Variants in ASXL3 observed in about 807,000 individuals in gnomAD.
ASXL3 encodes the protein ASXL transcriptional regulator 3.
ASXL3 carries 34 observed loss-of-function variants against 170.6 expected under a neutral mutation model. That is an observed-to-expected ratio of 0.20 (90% confidence interval 0.15 to 0.27). The LOEUF is 0.27. ASXL3 is among the 10% of genes least tolerant of loss of function. ASXL3 has a pLI of 1.00. For missense variants in ASXL3, 2,592 were observed against 2,695.3 expected (o/e 0.96, Z 0.85); for synonymous variants, 1,002 against 989.1 (o/e 1.01, Z -0.24).
intron 1 of ASXL3, among the ~76,000 whole-genome samples, chr18:33,602,063 A>G (rs2050213779): frequency 6.6e-6 from 1 of 151,704 alleles, no homozygotes. Flanking sequence ...GAGCCTTCCA[A>G]ATTGTTGAGA....
chr18:33,688,237 A>C (rs2066629708), intron 8 of ASXL3, among the ~76,000 whole-genome samples: 1 of 152,216 alleles, frequency 6.6e-6, no homozygotes, highest in Admixed American at 6.5e-5. Context: ...CATCTCCTGA[A>C]GTAAAATGGT....
At chr18:33,670,241 A>G (rs1031116401) in intron 5 of ASXL3, among the ~76,000 whole-genome samples, 1 of 152,242 alleles carries the variant, frequency 6.6e-6, no homozygotes, top group African/African-American at 2.4e-5. Context: ...GATGACACTC[A>G]GTGTTAACTT....
chr18:33,726,199 C>T (rs1479590354), intron 8 of ASXL3, among the ~76,000 whole-genome samples: 2 of 152,154 alleles, frequency 1.3e-5, no homozygotes, highest in African/African-American at 4.8e-5. Flanking sequence ...ATCAGCCTTG[C>T]CTGCCCTCTT....
intron 6 of ASXL3, among the ~76,000 whole-genome samples, chr18:33,671,271 C>T (rs1184970135): frequency 6.6e-6 from 1 of 152,104 alleles, no homozygotes; most frequent in Non-Finnish European, 1.5e-5. Flanking sequence ...TCTAATTTAC[C>T]TTGTGTCACT....
intron 2 of ASXL3, chr18:33,614,741 C>G (rs2065394384): frequency 6.6e-6 from 1 of 152,036 alleles, no homozygotes; most frequent in African/African-American, 2.4e-5. Context: ...ATGAAAGCAA[C>G]ATTAGTCTCT....
At position 33,738,953 on chromosome 18, in the gene ASXL3, G is replaced by A. The variant is rs2145412803; in HGVS notation, c.1549G>A (p.Val517Ile). The A allele has an allele frequency of 2.5e-6, 4 of 1,613,704 alleles. No individual in the cohort carries two copies. The highest frequency in any genetic ancestry group is 3.4e-6 in the Non-Finnish European group (4 of 1,179,778). ...DVLETLPHIEVKIEGKSESPQ... is the reference protein window; with the variant it reads ...DVLETLPHIEIKIEGKSESPQ... ...TTTAGAAACTTTGCCTCATATTGAAGTTAAGATAGAAGGGAAGTCAGAATC... is the reference window on the plus strand; with the variant it reads ...TTTAGAAACTTTGCCTCATATTGAAATTAAGATAGAAGGGAAGTCAGAATC... Residue 517 changes from valine to isoleucine, a missense_variant, in exon 11 of 12, where the codon GTT (valine) becomes ATT (isoleucine). Physicochemically the swap from Val to Ile is conservative, Grantham distance 29 (BLOSUM62 3). This residue lies in a region of ASXL3 where 2,246 missense variants were observed against 2,219.6 expected (regional missense o/e 1.01). Coordinates refer to ENST00000269197, the MANE Select transcript of ASXL3 (RefSeq NM_030632.3).
At chr18:33,649,384 G>A (rs1286643594) in intron 4 of ASXL3, among the ~76,000 whole-genome samples, 1 of 152,086 alleles carries the variant, frequency 6.6e-6, no homozygotes. Flanking sequence ...TTCTGTGTGT[G>A]TTATTTTTCT....
chr18:33,743,561 T>TATC lies in ASXL3; in HGVS notation c.3714_3716dup (p.Ser1239dup), dbSNP rs1427816016. The stretch of plus-strand genomic sequence containing the variant: ...CTTTTTAATAAAAATTCTGTCCCTG[T>TATC]ATCTGTTTGCAGCACTGCTATATCG... On this transcript the variant is annotated inframe_insertion, in exon 12 of 12. Coordinates refer to ENST00000269197, the MANE Select transcript of ASXL3 (RefSeq NM_030632.3). The TATC allele has an allele frequency of 1.2e-6, 2 of 1,613,146 alleles. No homozygotes were observed. The highest frequency in any genetic ancestry group is 1.3e-5 in the African/African-American group (1 of 74,952).
chr18:33,674,171 GTCTAAGCCATTCATT>G (rs1364322440), intron 7 of ASXL3, among the ~76,000 whole-genome samples: 6 of 152,136 alleles, frequency 3.9e-5, no homozygotes, highest in Non-Finnish European at 8.8e-5. Context: ...TAACTCCAAA[GTCTAAGCCATTCATT>G]TTGGATAGAA....
At chr18:33,590,111 G>GTTTTTTTTGTTTTTTT (rs2065064587) in intron 1 of ASXL3, among the ~76,000 whole-genome samples, 2 of 83,186 alleles carry the variant, frequency 2.4e-5, no homozygotes, top group African/African-American at 1.4e-4. Flanking sequence ...TGCTTTCTAT[G>GTTTTTTTTGTTTTTTT]TTTTTTTTTT....
chr18:33,655,679 T>C (rs541148248), intron 4 of ASXL3, among the ~76,000 whole-genome samples: 14 of 152,186 alleles, frequency 9.2e-5, no homozygotes, highest in Non-Finnish European at 1.3e-4. Flanking sequence ...GGTTAGATGG[T>C]TTTCCCTGTT....
intron 4 of ASXL3, among the ~76,000 whole-genome samples, chr18:33,660,992 ACT>A (rs1412285530): frequency 6.6e-6 from 1 of 152,122 alleles, no homozygotes; most frequent in African/African-American, 2.4e-5. Flanking sequence ...TGCAAGCCTG[ACT>A]CTGATAAAAA....
intron 2 of ASXL3, among the ~76,000 whole-genome samples, chr18:33,637,860 G>T (rs759432451): frequency 6.6e-5 from 10 of 152,064 alleles, no homozygotes; most frequent in Non-Finnish European, 1.0e-4. Context: ...TTTGCAGCAT[G>T]CCTCAAGGCT....
At chr18:33,662,140 A>C (rs535442068) in intron 5 of ASXL3, among the ~76,000 whole-genome samples, 1 of 152,280 alleles carries the variant, frequency 6.6e-6, no homozygotes, top group South Asian at 2.1e-4. Flanking sequence ...GAGATACATT[A>C]AGTTACAAAT....
At chr18:33,588,542 C>T (rs2065052625) in intron 1 of ASXL3, among the ~76,000 whole-genome samples, 1 of 152,042 alleles carries the variant, frequency 6.6e-6, no homozygotes, top group South Asian at 2.1e-4. Context: ...ATAGTCACCA[C>T]CATGACTCCA....
chr18:33,740,087 A>C lies in ASXL3; in HGVS notation c.2683A>C (p.Asn895His). The C allele has an allele frequency of 6.2e-7, 1 of 1,613,986 alleles. No homozygotes were observed. The highest frequency in any genetic ancestry group is 8.5e-7 in the Non-Finnish European group (1 of 1,179,874). The change falls in exon 11 of 12, where the codon AAT becomes CAT. Residue 895 changes from asparagine to histidine, a missense_variant. Physicochemically the swap from Asn to His is moderately conservative, Grantham distance 68. This residue lies in a region of ASXL3 where 2,246 missense variants were observed against 2,219.6 expected (regional missense o/e 1.01). Transcript: ENST00000269197. ...TTCTGAAGGGACAGATAATAAGGGA[A>C]ATGAGCTTCCATCTGCTAAATTACA... The part of the protein sequence containing the change: ...VFSEGTDNKG[N>H]ELPSAKLQDK...
intron 9 of ASXL3, among the ~76,000 whole-genome samples, chr18:33,732,629 G>A (rs1204676422): frequency 6.6e-6 from 1 of 152,050 alleles, no homozygotes; most frequent in African/African-American, 2.4e-5. Flanking sequence ...GCCTAGGCAG[G>A]CAGATCGCTT....
At chr18:33,667,141 G>C (rs2066270120) in intron 5 of ASXL3, among the ~76,000 whole-genome samples, 2 of 152,114 alleles carry the variant, frequency 1.3e-5, no homozygotes, top group Non-Finnish European at 2.9e-5. Flanking sequence ...ACTAATGCAG[G>C]CCATAAAAAT....
chr18:33,599,086 T>G (rs2065157702), intron 1 of ASXL3, among the ~76,000 whole-genome samples: 1 of 152,138 alleles, frequency 6.6e-6, no homozygotes, highest in Non-Finnish European at 1.5e-5. Flanking sequence ...ATTGTTGAGC[T>G]TCATCTCAAC....
Sources: allele counts gnomAD v4.1 joint callset (sites outside exome capture counted in the v4.1 genomes callset), GRCh38; gene constraint gnomAD v4.1.1; regional missense constraint gnomAD v4.1.1; transcripts MANE v1.5; gene names NCBI Gene and HGNC (gene_info 2026-07-23, HGNC 2026-07-21).